Variants in IL36B observed in about 807,000 individuals in gnomAD.
IL36B encodes interleukin 36 beta.
In IL36B, 23 loss-of-function variants were observed where a neutral mutation model predicts 19.3. The ratio of observed to expected loss-of-function variants is 1.19; its 90% confidence interval spans 0.86 to 1.69. The LOEUF (loss-of-function observed/expected upper bound fraction) is 1.69, where lower values mean the gene tolerates loss of function less well. IL36B is among the 40% of genes most tolerant of loss of function. The pLI is 0.00. For missense variants in IL36B, 217 were observed against 200.5 expected, an observed-to-expected ratio of 1.08 and a Z score of -0.50; for synonymous variants, 59 against 59.7, an observed-to-expected ratio of 0.99 and a Z score of 0.05.
intron 4 of IL36B, among the ~76,000 whole-genome samples, chr2:113,026,977 A>C (rs1389874690): frequency 6.6e-6 from 1 of 152,226 alleles, no homozygotes; most frequent in African/African-American, 2.4e-5. Flanking sequence ...TGTTGACTTC[A>C]GAAAAACTTA....
At chr2:113,049,036 A>G (rs1487775847) in intron 1 of IL36B, among the ~76,000 whole-genome samples, 1 of 152,236 alleles carries the variant, frequency 6.6e-6, no homozygotes, top group Non-Finnish European at 1.5e-5. Flanking sequence ...GATACTGATG[A>G]TGGCAGTTGT....
In IL36B at chr2:113,029,048, G is replaced by T. The variant is rs1685020289; in HGVS notation, c.152C>A (p.Thr51Lys). ...ACCCTTTTCCTTGTCACTGAATTCT[G>T]TGTCTCTACAGGCTATTAAATGAAG... Residue 51 changes from threonine (T) to lysine (K), a missense_variant, in exon 4 of 6, where the codon ACA (threonine) becomes AAA (lysine). Physicochemically the swap from Thr to Lys is moderately conservative, Grantham distance 78. Transcript: ENST00000259213. 2 of 1,613,494 alleles carry T rather than the reference G, an allele frequency of 1.2e-6. No homozygotes were observed. Among genetic ancestry groups the T allele is most frequent in the Non-Finnish European group, 1.7e-6 (2 of 1,179,746 alleles).
intron 4 of IL36B, chr2:113,027,870 C>A (rs1334623458): frequency 6.2e-7 from 1 of 1,611,340 alleles, no homozygotes; most frequent in Non-Finnish European, 8.5e-7. Context: ...GATTCTCTAT[C>A]CTGGAACCAG....
intron 1 of IL36B, among the ~76,000 whole-genome samples, chr2:113,041,954 G>T (rs1298433101): frequency 3.9e-5 from 6 of 152,178 alleles, no homozygotes; most frequent in Non-Finnish European, 8.8e-5. Context: ...TGGAAAGGGG[G>T]TGGCATTACC....
At chr2:113,033,848 G>A (rs143858257) in intron 1 of IL36B, among the ~76,000 whole-genome samples, 54 of 152,278 alleles carry the variant, frequency 3.5e-4, no homozygotes, top group Middle Eastern at 3.4e-3. Context: ...GGAGTCAGAC[G>A]CGGCTTCAAT....
At chr2:113,027,620 G>A (rs1558830826) in intron 4 of IL36B, 2 of 1,245,808 alleles carry the variant, frequency 1.6e-6, no homozygotes, top group Non-Finnish European at 2.0e-6. Flanking sequence ...AGCATTTGGG[G>A]GGTTGACTAA....
At chr2:113,038,309 T>A (rs968651) in intron 1 of IL36B, among the ~76,000 whole-genome samples, 2 of 152,152 alleles carry the variant, frequency 1.3e-5, no homozygotes, top group African/African-American at 2.4e-5. Context: ...CACTGCTGAC[T>A]GGGCTCAGAC....
chr2:113,023,181 T>A (rs1490357995), intron 5 of IL36B, among the ~76,000 whole-genome samples: 1 of 152,252 alleles, frequency 6.6e-6, no homozygotes, highest in Non-Finnish European at 1.5e-5. Context: ...CAACATTTAA[T>A]GTCAGTTCCA....
intron 5 of IL36B, among the ~76,000 whole-genome samples, chr2:113,025,514 G>A (rs1307497421): frequency 1.3e-5 from 2 of 152,186 alleles, no homozygotes; most frequent in East Asian, 1.9e-4. Flanking sequence ...CTGCCTCTAT[G>A]TACCTAGAAT....
intron 3 of IL36B, among the ~76,000 whole-genome samples, chr2:113,030,724 A>T (rs1685058199): frequency 1.3e-5 from 2 of 152,178 alleles, no homozygotes; most frequent in Admixed American, 6.5e-5. Context: ...GAATCTGAGG[A>T]CACAGGTAGC....
At chr2:113,024,369 CGTGTGT>C (rs953986289) in intron 5 of IL36B, among the ~76,000 whole-genome samples, 1 of 152,082 alleles carries the variant, frequency 6.6e-6, no homozygotes, top group East Asian at 1.9e-4. Flanking sequence ...TATTCTATTT[CGTGTGT>C]GTGTGTTTAT....
chr2:113,032,794 T>C (rs971184225), intron 1 of IL36B, among the ~76,000 whole-genome samples: 3 of 152,180 alleles, frequency 2.0e-5, no homozygotes, highest in Non-Finnish European at 4.4e-5. Context: ...TTCCTGCCCC[T>C]GGGTGTGTTC....
At chr2:113,040,189 G>A (rs13392105) in intron 1 of IL36B, among the ~76,000 whole-genome samples, 7,606 of 152,202 alleles carry the variant, frequency 0.05, 636 homozygotes, top group African/African-American at 0.17. Context: ...AATAGACAAA[G>A]TATTAGGCCA....
At chr2:113,033,188 G>T (rs762466147) in intron 1 of IL36B, among the ~76,000 whole-genome samples, 1 of 152,190 alleles carries the variant, frequency 6.6e-6, no homozygotes, top group Non-Finnish European at 1.5e-5. Context: ...TGCTAAAGTT[G>T]TAAGAGCTTT....
chr2:113,022,938 G>A (rs923674867), intron 5 of IL36B, among the ~76,000 whole-genome samples: 1 of 152,192 alleles, frequency 6.6e-6, no homozygotes, highest in Non-Finnish European at 1.5e-5. Flanking sequence ...CTGCTGAAGA[G>A]TGATGGATTA....
intron 5 of IL36B, chr2:113,026,092 T>A: frequency 1.2e-6 from 2 of 1,612,838 alleles, no homozygotes; most frequent in Non-Finnish European, 1.7e-6. Context: ...ATAAGAGAAT[T>A]TGCTCCTCAC....
At chr2:113,027,995 CT>C (rs1470981369) in intron 4 of IL36B, 1 of 1,614,030 alleles carries the variant, frequency 6.2e-7, no homozygotes. Context: ...GTGGAGGTGG[CT>C]ATGAACCAGC....
intron 2 of IL36B, 68 bp from the exon 3 acceptor site, chr2:113,031,223 G>T: frequency 9.8e-7 from 1 of 1,024,894 alleles, no homozygotes; most frequent in Non-Finnish European, 1.5e-6. Context: ...GTTGCATCCT[G>T]GTATTAATGG....
intron 1 of IL36B, among the ~76,000 whole-genome samples, chr2:113,046,977 G>A (rs1008270833): frequency 7.2e-5 from 11 of 152,130 alleles, no homozygotes; most frequent in African/African-American, 2.7e-4. Context: ...AAATAATTTG[G>A]AATTATTTTG....
Sources: allele counts gnomAD v4.1 joint callset (sites outside exome capture counted in the v4.1 genomes callset), GRCh38; gene constraint gnomAD v4.1.1; transcripts MANE v1.5; gene names NCBI Gene and HGNC (gene_info 2026-07-23, HGNC 2026-07-21).